Variants in CTPS2 observed in about 807,000 individuals in gnomAD.
CTPS2 encodes the protein CTP synthase 2.
A neutral mutation model predicts 46.8 loss-of-function variants in CTPS2; 19 were observed. The ratio of observed to expected loss-of-function variants is 0.41; its 90% CI spans 0.28 to 0.60. CTPS2 has a LOEUF of 0.60. CTPS2 is among the 20% of genes least tolerant of loss of function. The pLI is 0.35. For missense variants in CTPS2, 286 were observed against 447.6 expected (o/e 0.64, Z 3.26); for synonymous variants, 151 against 165.2 (o/e 0.91, Z 0.66).
In CTPS2 at chrX:16,672,881, C is replaced by CTTTT. The variant is rs1185799196; in HGVS notation, c.1095-2211_1095-2208dup. On this transcript the variant is annotated intron_variant, in intron 10 of 18. Coordinates refer to ENST00000359276, the MANE Select transcript of CTPS2 (RefSeq NM_175859.3). ...GGTAAAAAGGATTTGTGAGGCTACT[C>CTTTT]TTTTTTTTTTTTTTTTTTTTTTTGA... 4.5e-3 allele frequency among the ~76,000 whole-genome samples: 315 copies of CTTTT among 69,548 alleles called. 9 individuals are homozygous for CTTTT. The highest frequency in any genetic ancestry group is 0.015 in the African/African-American group (222 of 14,826). 60.4% of individuals were successfully genotyped at this position (69,548 alleles called of 115,157 possible).
chrX:16,644,134 A>G (rs1932201766), intron 13 of CTPS2, among the ~76,000 whole-genome samples: 1 of 109,488 alleles, frequency 9.1e-6, no homozygotes, highest in South Asian at 4.0e-4. Context: ...GATTAAGTTG[A>G]GGATCTTTTT....
At chrX:16,660,961 A>AT (rs375215374) in intron 13 of CTPS2, among the ~76,000 whole-genome samples, 1,490 of 97,638 alleles carry the variant, frequency 0.015, 21 homozygotes, top group African/African-American at 0.037. Flanking sequence ...TTATAGCTGC[A>AT]TTTTTTTTTT....
intron 16 of CTPS2, among the ~76,000 whole-genome samples, chrX:16,616,465 G>T (rs1930532984): frequency 9.0e-6 from 1 of 111,426 alleles, no homozygotes; most frequent in Non-Finnish European, 1.9e-5. Context: ...CACCAAAAAT[G>T]AGGTGGCACT....
At chrX:16,654,536 C>A in intron 13 of CTPS2, 1 of 955,302 alleles carries the variant, frequency 1.0e-6, no homozygotes, top group Non-Finnish European at 1.5e-6. Context: ...GAACCCTGAG[C>A]ACTGGAGGAA....
At chrX:16,682,560 A>C (rs114779715) in intron 9 of CTPS2, among the ~76,000 whole-genome samples, 12,288 of 111,715 alleles carry the variant, frequency 0.11, 959 homozygotes, top group African/African-American at 0.27. Flanking sequence ...CAAGATTGAG[A>C]CTTGACTGGC....
chrX:16,658,468 G>A (rs748151507), intron 13 of CTPS2, among the ~76,000 whole-genome samples: 2 of 112,386 alleles, frequency 1.8e-5, no homozygotes, highest in South Asian at 7.4e-4. Context: ...ATGATGAGTA[G>A]ATTGTTGTCA....
intron 17 of CTPS2, among the ~76,000 whole-genome samples, chrX:16,598,162 G>A (rs1300863919): frequency 1.8e-5 from 2 of 111,161 alleles, no homozygotes; most frequent in Admixed American, 1.9e-4. Flanking sequence ...AAAAGCAAGA[G>A]CAAACACATT....
chrX:16,633,954 C>G (rs1931611261), intron 14 of CTPS2, among the ~76,000 whole-genome samples: 1 of 112,095 alleles, frequency 8.9e-6, no homozygotes, highest in East Asian at 2.8e-4. Flanking sequence ...AACGAAAACA[C>G]TGTGTCAGGA....
At chrX:16,679,216 G>GGCA (rs1922536492) in intron 9 of CTPS2, among the ~76,000 whole-genome samples, 1 of 110,727 alleles carries the variant, frequency 9.0e-6, no homozygotes, top group Non-Finnish European at 1.9e-5. Context: ...AAATTAGCCA[G>GGCA]GCATGGTGGC....
intron 14 of CTPS2, among the ~76,000 whole-genome samples, chrX:16,623,389 A>C (rs1490688615): frequency 3.6e-5 from 4 of 111,394 alleles, no homozygotes; most frequent in Non-Finnish European, 7.5e-5. Context: ...ACCCATTAAC[A>C]ATCCCCACCT....
chrX:16,704,496 G>A (rs752067878), intron 1 of CTPS2, among the ~76,000 whole-genome samples: 1 of 112,037 alleles, frequency 8.9e-6, no homozygotes, highest in Admixed American at 9.6e-5. Flanking sequence ...GGTTGTCAGC[G>A]GGTAGGAGGG....
At chrX:16,690,627 C>T (rs1317559026) in intron 7 of CTPS2, among the ~76,000 whole-genome samples, 1 of 111,761 alleles carries the variant, frequency 8.9e-6, no homozygotes, top group Non-Finnish European at 1.9e-5. Context: ...TCACCCTTTT[C>T]CTGAGCACCA....
chrX:16,661,647 T>C (rs1161181590), intron 13 of CTPS2, among the ~76,000 whole-genome samples: 1 of 112,341 alleles, frequency 8.9e-6, no homozygotes, highest in Admixed American at 9.5e-5. Context: ...CTATGGTAGA[T>C]GTAAAATTCA....
In CTPS2 at chrX:16,676,292, C is replaced by T. The variant is rs188572233; in HGVS notation, c.1094+2070G>A. Among the ~76,000 whole-genome samples, 118 of 111,435 alleles carry T rather than the reference C, an allele frequency of 1.1e-3. 1 individual carries two copies. Among genetic ancestry groups the T allele is most frequent in the African/African-American group, 3.6e-3 (109 of 30,672 alleles). On this transcript the variant is annotated intron_variant, in intron 10 of 18. Coordinates refer to ENST00000359276, the MANE Select transcript of CTPS2 (RefSeq NM_175859.3). ...AGCCTCATACCTTGTCTACACAGTC[C>T]CTGTACAGGGTTTCTGACCTGTGGT...
chrX:16,695,999 C>T (rs1279741453), intron 4 of CTPS2, among the ~76,000 whole-genome samples: 2 of 112,187 alleles, frequency 1.8e-5, no homozygotes, highest in Non-Finnish European at 3.8e-5. Context: ...TACAGACCTG[C>T]ACCACCACAC....
chrX:16,711,527 C>T (rs1925462608), intron 1 of CTPS2: 1 of 110,814 alleles, frequency 9.0e-6, no homozygotes, highest in African/African-American at 3.3e-5. Flanking sequence ...TGATCTTGTT[C>T]TATGAAGTTC....
At chrX:16,694,656 A>G (rs1004716414) in intron 4 of CTPS2, among the ~76,000 whole-genome samples, 11 of 112,665 alleles carry the variant, frequency 9.8e-5, no homozygotes, top group African/African-American at 3.5e-4. Context: ...GAAATTCAAT[A>G]TAAGCCCTAA....
intron 7 of CTPS2, among the ~76,000 whole-genome samples, chrX:16,690,459 C>T (rs1463850733): frequency 9.0e-6 from 1 of 111,704 alleles, no homozygotes; most frequent in African/African-American, 3.2e-5. Flanking sequence ...TCTGCCATCA[C>T]ATTTTTCAAA....
chrX:16,695,524 TTTTC>T (rs1289989900), intron 4 of CTPS2, among the ~76,000 whole-genome samples: 1 of 111,745 alleles, frequency 8.9e-6, no homozygotes, highest in Non-Finnish European at 1.9e-5. Flanking sequence ...TGAAAGTCTT[TTTTC>T]TTTTTCTTTT....
Sources: allele counts gnomAD v4.1 joint callset (sites outside exome capture counted in the v4.1 genomes callset), GRCh38; gene constraint gnomAD v4.1.1; transcripts MANE v1.5; gene names NCBI Gene and HGNC (gene_info 2026-07-23, HGNC 2026-07-21).